LYRM4: variants seen among roughly 807,000 people sequenced by gnomAD.
LYRM4 encodes LYR motif-containing protein 4.
LYRM4 carries 9 observed loss-of-function variants against 11.7 expected under a neutral mutation model. The observed-to-expected ratio is 0.77, with a 90% CI of 0.46 to 1.34. LYRM4 has a LOEUF of 1.34. Among genes scored for constraint, LYRM4 ranks in the 40% most tolerant of loss-of-function variants. The probability of loss-of-function intolerance (pLI) is 0.00; values close to 1 mark genes in which losing one functional copy is unlikely to be tolerated. For synonymous variants in LYRM4, 42 were observed against 40.4 expected, an observed-to-expected ratio of 1.04 and a Z score of -0.15; for missense variants, 133 against 112.5, an observed-to-expected ratio of 1.18 and a Z score of -0.82.
At chr6:5,088,791 A>G in the LYRM4 span, 1 of 152,212 alleles carries the variant, frequency 6.6e-6, no homozygotes, top group Non-Finnish European at 1.5e-5. Flanking sequence ...AATCTTGTTT[A>G]GAATAAACAC....
chr6:5,116,899 C>G (rs1581303404), intron 2 of LYRM4, among the ~76,000 whole-genome samples: 1 of 152,204 alleles, frequency 6.6e-6, no homozygotes, highest in Non-Finnish European at 1.5e-5. Flanking sequence ...TCACCGCTTC[C>G]TCTTCTGAAG....
chr6:5,159,804 A>T (rs903755425), intron 2 of LYRM4, among the ~76,000 whole-genome samples: 17 of 152,218 alleles, frequency 1.1e-4, no homozygotes, highest in African/African-American at 3.4e-4. Flanking sequence ...CAAAAAGCAT[A>T]TGAACATTGA....
chr6:5,135,141 G>T (rs71547288), intron 2 of LYRM4, among the ~76,000 whole-genome samples: 1 of 5,042 alleles, frequency 2.0e-4, no homozygotes. Context: ...GGTGCGGATC[G>T]CTCCCGGGGC....
At chr6:5,249,521 GTC>G (rs1432405521) in intron 1 of LYRM4, among the ~76,000 whole-genome samples, 1 of 152,078 alleles carries the variant, frequency 6.6e-6, no homozygotes, top group Non-Finnish European at 1.5e-5. Context: ...ACCTCAAAAC[GTC>G]TGAGTTAAGA....
chr6:5,222,596 C>T lies in LYRM4; in HGVS notation c.87-5858G>A, dbSNP rs147517119. Among the ~76,000 whole-genome samples the T allele has an allele frequency of 6.1e-3, 923 of 151,924 alleles. 8 individuals carry two copies. The highest frequency in any genetic ancestry group is 0.021 in the African/African-American group (869 of 41,420). On this transcript the variant is annotated intron_variant, in intron 1 of 2. Transcript: ENST00000330636. ...GGAGTGGTCCTTCTCTTGAATGGGG[C>T]GGTGTTTTCACATGCCCTTAGGTTT...
At chr6:5,066,317 T>A in the LYRM4 span, 1 of 715,878 alleles carries the variant, frequency 1.4e-6, no homozygotes, top group East Asian at 2.6e-5. Context: ...TTTAGTTCTA[T>A]TCGTCCAAAT....
intron 1 of LYRM4, among the ~76,000 whole-genome samples, chr6:5,222,152 C>CT (rs1272462688): frequency 4.6e-5 from 7 of 152,160 alleles, no homozygotes; most frequent in Non-Finnish European, 1.0e-4. Context: ...ATAGCAGGAA[C>CT]TTTAATCTTT....
At chr6:5,198,068 G>A (rs1427641873) in intron 2 of LYRM4, among the ~76,000 whole-genome samples, 1 of 152,118 alleles carries the variant, frequency 6.6e-6, no homozygotes, top group African/African-American at 2.4e-5. Context: ...TGTAGTGGCA[G>A]GTGCCTGTAA....
At chr6:5,132,345 T>G (rs145905581) in intron 2 of LYRM4, among the ~76,000 whole-genome samples, 64 of 152,242 alleles carry the variant, frequency 4.2e-4, no homozygotes, top group African/African-American at 1.4e-3. Flanking sequence ...ATCTGCACAA[T>G]TGGTAAATGA....
downstream of LYRM4, chr6:5,106,959 AC>A (rs1226109022): frequency 6.6e-6 from 1 of 152,170 alleles, no homozygotes; most frequent in Non-Finnish European, 1.5e-5. Flanking sequence ...ACCAGGGGTC[AC>A]CCCCATGGGA....
the LYRM4 span, chr6:5,034,319 AAGC>A: frequency 6.6e-6 from 1 of 152,222 alleles, no homozygotes; most frequent in Non-Finnish European, 1.5e-5. Context: ...AAAGAAGGGA[AAGC>A]AGCTAAATTT....
At chr6:5,216,836 T>A in intron 1 of LYRM4, 98 bp from the exon 2 acceptor site, 1 of 1,396,318 alleles carries the variant, frequency 7.2e-7, no homozygotes, top group Non-Finnish European at 9.6e-7. Flanking sequence ...ATTAACTGTT[T>A]AATCTTCCCC....
chr6:5,149,675 A>C (rs1757980917), intron 2 of LYRM4, among the ~76,000 whole-genome samples: 2 of 152,164 alleles, frequency 1.3e-5, no homozygotes, highest in South Asian at 4.1e-4. Flanking sequence ...AGGATATCAG[A>C]GGGCTTCTTA....
At chr6:5,207,588 T>G (rs1761768971) in intron 2 of LYRM4, among the ~76,000 whole-genome samples, 1 of 152,162 alleles carries the variant, frequency 6.6e-6, no homozygotes, top group African/African-American at 2.4e-5. Context: ...CAGTGAGGCA[T>G]CAAAAAGTTT....
chr6:5,068,366 G>A, the LYRM4 span, among the ~76,000 whole-genome samples: 2 of 152,278 alleles, frequency 1.3e-5, no homozygotes, highest in African/African-American at 2.4e-5. This position sits in a 1 kb window ranked among gnomAD's most constrained non-coding sequence, Gnocchi z 4.0. Flanking sequence ...CTGCCAGCAC[G>A]CCGGCCCCTC....
At chr6:5,118,094 A>ATATATATATATATATATATTTTT in intron 2 of LYRM4, among the ~76,000 whole-genome samples, 13 of 86,126 alleles carry the variant, frequency 1.5e-4, no homozygotes, top group African/African-American at 3.5e-4. Context: ...ATATATATAT[A>ATATATATATATATATATATTTTT]TTTTTGTTTT....
intron 1 of LYRM4, among the ~76,000 whole-genome samples, chr6:5,243,558 G>A (rs1197938493): frequency 6.6e-6 from 1 of 152,078 alleles, no homozygotes; most frequent in Non-Finnish European, 1.5e-5. Context: ...TATTCCCTAG[G>A]GTTAGAAGAA....
intron 2 of LYRM4, among the ~76,000 whole-genome samples, chr6:5,118,988 T>A (rs1763276226): frequency 6.6e-6 from 1 of 152,242 alleles, no homozygotes. Flanking sequence ...TCATCCGAAC[T>A]GGAATACTGA....
chr6:5,217,416 G>T (rs565985412), intron 1 of LYRM4, among the ~76,000 whole-genome samples: 1 of 152,320 alleles, frequency 6.6e-6, no homozygotes, highest in South Asian at 2.1e-4. Flanking sequence ...CCAGAGCAAG[G>T]CTTGCCCATC....
Sources: allele counts gnomAD v4.1 joint callset (sites outside exome capture counted in the v4.1 genomes callset), GRCh38; gene constraint gnomAD v4.1.1; non-coding constraint Gnocchi (gnomAD v3.1); transcripts MANE v1.5; gene names NCBI Gene and HGNC (gene_info 2026-07-23, HGNC 2026-07-21).